CLOCK: variants seen among roughly 807,000 people sequenced by gnomAD.
The protein encoded by CLOCK is clock circadian regulator.
Under a neutral mutation model 118.4 loss-of-function variants are expected in CLOCK, and 43 were observed. The ratio of observed to expected loss-of-function variants is 0.36; its 90% CI spans 0.28 to 0.47. CLOCK has a LOEUF of 0.47. CLOCK is among the 20% of genes least tolerant of loss of function. The pLI is 1.00. For synonymous variants in CLOCK, 326 were observed against 339.2 expected (o/e 0.96, Z 0.43); for missense variants, 846 against 999.9 (o/e 0.85, Z 2.08).
intron 12 of CLOCK, 74 bp from the exon 13 acceptor site, chr4:55,456,077 TG>T (rs10529254): frequency 0.73 from 713,656 of 977,548 alleles, 254,799 homozygotes; most frequent in South Asian, 0.81. Context: ...AAATAAACTT[TG>T]GGGGGGGGGC....
At chr4:55,534,208 C>T (rs1002105276) in intron 1 of CLOCK, among the ~76,000 whole-genome samples, 2 of 152,084 alleles carry the variant, frequency 1.3e-5, no homozygotes, top group African/African-American at 2.4e-5. Flanking sequence ...AAACTTGAAA[C>T]GAGTGCTTAT....
chr4:55,543,688 G>T (rs974178634), intron 1 of CLOCK, among the ~76,000 whole-genome samples: 2 of 151,878 alleles, frequency 1.3e-5, no homozygotes, highest in Admixed American at 6.6e-5. Flanking sequence ...TGAGGCAGGA[G>T]AATCTCTTGA....
intron 1 of CLOCK, among the ~76,000 whole-genome samples, chr4:55,522,147 T>C (rs577874024): frequency 3.4e-4 from 52 of 152,230 alleles, no homozygotes; most frequent in African/African-American, 1.2e-3. Flanking sequence ...GACCCAAATA[T>C]GAAGGCAAAA....
chr4:55,462,585 C>T (rs139110208), intron 9 of CLOCK, among the ~76,000 whole-genome samples: 1 of 152,252 alleles, frequency 6.6e-6, no homozygotes, highest in African/African-American at 2.4e-5. Context: ...GGCTGGCTTC[C>T]ACCTTTCTAA....
intron 2 of CLOCK, among the ~76,000 whole-genome samples, chr4:55,503,978 T>TAAAAGAAAAAAAAAAAAAAAAAAAAAAAA (rs1553900254): frequency 2.8e-5 from 2 of 71,146 alleles, no homozygotes; most frequent in Non-Finnish European, 5.1e-5. Context: ...CAAAAAGAGG[T>TAAAAGAAAAAAAAAAAAAAAAAAAAAAAA]AAAAAAAAAA....
At chr4:55,495,184 C>A (rs1196093811) in intron 2 of CLOCK, among the ~76,000 whole-genome samples, 1 of 152,176 alleles carries the variant, frequency 6.6e-6, no homozygotes, top group Non-Finnish European at 1.5e-5. Flanking sequence ...CCTATATACT[C>A]TGTATGTCCC....
chr4:55,521,417 C>T (rs1467138532), intron 1 of CLOCK, among the ~76,000 whole-genome samples: 1 of 152,170 alleles, frequency 6.6e-6, no homozygotes, highest in Non-Finnish European at 1.5e-5. Flanking sequence ...GGGGTTTCAC[C>T]GTGTTAGTCA....
intron 1 of CLOCK, among the ~76,000 whole-genome samples, chr4:55,534,582 C>T (rs924945273): frequency 2.0e-5 from 3 of 152,168 alleles, no homozygotes; most frequent in Admixed American, 2.0e-4. Flanking sequence ...ATACAAATAT[C>T]CATCTAGCAT....
chr4:55,442,756 TAC>T, intron 20 of CLOCK, 122 bp from the exon 21 acceptor site: 1 of 856,692 alleles, frequency 1.2e-6, no homozygotes, highest in Non-Finnish European at 1.9e-6. Flanking sequence ...CAGGATATAT[TAC>T]TCTGGGGGAA....
Position 55,482,735 on chromosome 4 carries a change from A to G in CLOCK, c.47+4T>C. On this transcript the variant is annotated splice_donor_region_variant and intron_variant, in intron 4 of 22. Transcript: ENST00000513440. ...TAACTTAAAATAAGTCTTCAAAAAC[A>G]TACCTGTCAACAATCGAGCTCATTT... 1.3e-6 allele frequency: 2 copies of G among 1,599,616 alleles called. No homozygotes were observed. Among genetic ancestry groups the G allele is most frequent in the East Asian group, 2.2e-5 (1 of 44,480 alleles).
At chr4:55,478,043 A>G (rs1217861063) in intron 6 of CLOCK, among the ~76,000 whole-genome samples, 1 of 152,110 alleles carries the variant, frequency 6.6e-6, no homozygotes, top group Non-Finnish European at 1.5e-5. Context: ...GGCATTACCA[A>G]CTGAGCTAGG....
At position 55,443,797 on chromosome 4, in the gene CLOCK, G is replaced by A; in HGVS notation, c.1792C>T (p.Gln598Ter). ...TGGTTAGTAGGAACAACTTGGCCTT[G>A]CATATTTATAGGTGCAAGTTGCTGG... ...NIQQLAPINM[Q>*]GQVVPTNQIQ... Residue 598 changes from glutamine to a stop codon, truncating the protein, a stop_gained, in exon 20 of 23, where the codon CAA (glutamine) becomes TAA (stop). Coordinates refer to ENST00000513440, the MANE Select transcript of CLOCK (RefSeq NM_004898.4). LOFTEE classifies it high-confidence loss of function. 6.2e-7 allele frequency: 1 copy of A among 1,613,988 alleles called. No homozygotes were observed. The highest frequency in any genetic ancestry group is 8.5e-7 in the Non-Finnish European group (1 of 1,179,908).
intron 15 of CLOCK, chr4:55,452,346 C>T (rs958206059): frequency 6.6e-6 from 1 of 152,142 alleles, no homozygotes; most frequent in Non-Finnish European, 1.5e-5. Context: ...GCCCTCAGTC[C>T]AACTGCCCAT....
intron 8 of CLOCK, among the ~76,000 whole-genome samples, chr4:55,467,161 G>C (rs1255395972): frequency 6.6e-6 from 1 of 152,114 alleles, no homozygotes; most frequent in Non-Finnish European, 1.5e-5. Context: ...TTTATTGAGG[G>C]AAGTGTTAAT....
At chr4:55,501,360 T>G (rs188893017) in intron 2 of CLOCK, among the ~76,000 whole-genome samples, 4 of 142,560 alleles carry the variant, frequency 2.8e-5, no homozygotes, top group African/African-American at 9.8e-5. Flanking sequence ...TACTACATTT[T>G]TGTGTATTTC....
intron 2 of CLOCK, among the ~76,000 whole-genome samples, chr4:55,501,423 T>C (rs1264969977): frequency 6.6e-6 from 1 of 152,130 alleles, no homozygotes; most frequent in African/African-American, 2.4e-5. Flanking sequence ...AAAATTTCTG[T>C]CTTTTTTTTT....
At chr4:55,493,161 A>G (rs1289137467) in intron 2 of CLOCK, among the ~76,000 whole-genome samples, 1 of 152,202 alleles carries the variant, frequency 6.6e-6, no homozygotes, top group Non-Finnish European at 1.5e-5. Flanking sequence ...ACAACCTGTT[A>G]TCTATTCCAG....
At chr4:55,451,203 C>T (rs1449531641) in intron 15 of CLOCK, among the ~76,000 whole-genome samples, 1 of 152,172 alleles carries the variant, frequency 6.6e-6, no homozygotes, top group Non-Finnish European at 1.5e-5. Context: ...TTCACCCACA[C>T]TGCTACTCCA....
At position 55,427,976 on chromosome 4, in the gene CLOCK, C is replaced by A. The variant is rs1722304463; in HGVS notation, c.*7439G>T. 6.6e-6 allele frequency: 1 copy of A among 152,188 alleles called. No individual in the cohort carries two copies. 9.4% of individuals were successfully genotyped at this position (152,188 alleles called of 1,614,324 possible). On this transcript the variant is annotated 3_prime_UTR_variant, in exon 23 of 23. Coordinates refer to ENST00000513440, the MANE Select transcript of CLOCK (RefSeq NM_004898.4). ...TGTGATTCTTACAAGTTATGTGCCA[C>A]ATGAAGCAGGTGTTATTTTTTGAGA...
Sources: allele counts gnomAD v4.1 joint callset (sites outside exome capture counted in the v4.1 genomes callset), GRCh38; gene constraint gnomAD v4.1.1; transcripts MANE v1.5; gene names NCBI Gene and HGNC (gene_info 2026-07-23, HGNC 2026-07-21).